Variants in PRR7 observed in about 807,000 individuals in gnomAD.
The protein encoded by PRR7 is proline-rich protein 7.
PRR7 carries 8 observed loss-of-function variants against 18.5 expected under a neutral mutation model. The ratio of observed to expected loss-of-function variants is 0.43; its 90% CI spans 0.25 to 0.78. The LOEUF is 0.78. Among genes scored for constraint, PRR7 ranks in the 30% least tolerant of loss-of-function variants. PRR7 has a pLI of 0.22. For synonymous variants in PRR7, 221 were observed against 187.7 expected (o/e 1.18, Z -1.45); for missense variants, 396 against 403.1 (o/e 0.98, Z 0.15).
chr5:177,452,899 G>A (rs549040042), intron 1 of PRR7, among the ~76,000 whole-genome samples: 7 of 152,300 alleles, frequency 4.6e-5, no homozygotes, highest in South Asian at 2.1e-4. Context: ...CAGCAGAGTC[G>A]GGCTGGTGAT....
chr5:177,454,518 G>A lies in PRR7; in HGVS notation c.-239-311G>A, dbSNP rs2127388516. On this transcript the variant is annotated intron_variant, in intron 2 of 3. Coordinates refer to ENST00000323249, the MANE Select transcript of PRR7 (RefSeq NM_030567.5). The surrounding 1 kb of genome is among the most constrained non-coding windows in gnomAD (Gnocchi z 4.7). ...AGGCTCCTGAAACCCTTTGGCCCCG[G>A]GACTGCGGATGGCGAATCTCTCGTT... Among the ~76,000 whole-genome samples the A allele has an allele frequency of 1.3e-5, 2 of 152,288 alleles. No individual in the cohort carries two copies. Among genetic ancestry groups the A allele is most frequent in the Middle Eastern group, 6.8e-3 (2 of 294 alleles).
In PRR7 at chr5:177,455,261, TG is replaced by T; in HGVS notation, c.196del (p.Ala66ProfsTer93). On this transcript the variant is annotated frameshift_variant, in exon 3 of 4. Coordinates refer to ENST00000323249, the MANE Select transcript of PRR7 (RefSeq NM_030567.5). LOFTEE classifies it high-confidence loss of function. The surrounding 1 kb of genome is among the most constrained non-coding windows in gnomAD (Gnocchi z 6.9). ...ELEPLELEGS[L>X]AGSPPGLAPP... ...GAGCCCCTCGAACTCGAGGGCAGTC[TG>T]GCCGGGAGCCCCCCGGGCCTGGCGC... The T allele has an allele frequency of 6.5e-7, 1 of 1,535,138 alleles. No individual in the cohort carries two copies. The highest frequency in any genetic ancestry group is 8.7e-7 in the Non-Finnish European group (1 of 1,149,664).
rs900209584 is a variant in PRR7, at chr5:177,454,626, C to T, written c.-239-203C>T. ...CCTCGGCGCCCGGGCTCCGCGGCGG[C>T]GGCCGGGGCTCAGATCGGGGAAACC... On this transcript the variant is annotated intron_variant, in intron 2 of 3. Coordinates refer to ENST00000323249, the MANE Select transcript of PRR7 (RefSeq NM_030567.5). This position sits in a 1 kb window ranked among gnomAD's most constrained non-coding sequence, Gnocchi z 4.7. 2.0e-5 allele frequency among the ~76,000 whole-genome samples: 3 copies of T among 151,954 alleles called. No homozygotes were observed. Among genetic ancestry groups the T allele is most frequent in the Non-Finnish European group, 4.4e-5 (3 of 67,914 alleles).
At chr5:177,448,355 T>G (rs933171945) in intron 1 of PRR7, 1 of 152,278 alleles carries the variant, frequency 6.6e-6, no homozygotes, top group African/African-American at 2.4e-5. Flanking sequence ...AGACCTGTGT[T>G]GAGTGCTCTG....
chr5:177,455,791 C>G lies in PRR7; in HGVS notation c.495C>G (p.Pro165=), dbSNP rs2127389466. The G allele has an allele frequency of 6.2e-7, 1 of 1,611,502 alleles. No homozygotes were observed. The highest frequency in any genetic ancestry group is 8.5e-7 in the Non-Finnish European group (1 of 1,179,512). Reference sequence around the variant, plus strand: ...TGCTGATGGCAGAGCCGCCGCCGCCCTATAGCGAGGTGCTCACGGACACGC... The same window carrying G: ...TGCTGATGGCAGAGCCGCCGCCGCCGTATAGCGAGGTGCTCACGGACACGC... The part of the protein sequence containing the change: ...EAVLMAEPPP[P]YSEVLTDTRG... The change falls in exon 4 of 4, where the codon CCC becomes CCG. Residue 165 remains proline (P), a synonymous_variant. Coordinates refer to ENST00000323249, the MANE Select transcript of PRR7 (RefSeq NM_030567.5). This position sits in a 1 kb window ranked among gnomAD's most constrained non-coding sequence, Gnocchi z 6.9.
At chr5:177,452,070 A>G (rs1394235251) in intron 1 of PRR7, among the ~76,000 whole-genome samples, 1 of 152,242 alleles carries the variant, frequency 6.6e-6, no homozygotes, top group Non-Finnish European at 1.5e-5. Flanking sequence ...ATGCAGAGCG[A>G]TATGGTTCAA....
At position 177,450,448 on chromosome 5, in the gene PRR7, G is replaced by A. The variant is rs762674217; in HGVS notation, c.-325+3488G>A. On this transcript the variant is annotated intron_variant, in intron 1 of 3. Transcript: ENST00000323249. This position sits in a 1 kb window ranked among gnomAD's most constrained non-coding sequence, Gnocchi z 6.6. Reference sequence around the variant, plus strand: ...ATGGCTCTTCTCTGAGTGACGTTTTGGTGAATGGCTGACATTTCCCAGGAA... The same window carrying A: ...ATGGCTCTTCTCTGAGTGACGTTTTAGTGAATGGCTGACATTTCCCAGGAA... 2.0e-5 allele frequency among the ~76,000 whole-genome samples: 3 copies of A among 152,206 alleles called. No homozygotes were observed. Among genetic ancestry groups the A allele is most frequent in the Admixed American group, 6.5e-5 (1 of 15,280 alleles).
rs1581705123 is a variant in PRR7 at position 177,454,176 on chromosome 5, T to G, written c.-240+136T>G. On this transcript the variant is annotated intron_variant, in intron 2 of 3. Coordinates refer to ENST00000323249, the MANE Select transcript of PRR7 (RefSeq NM_030567.5). The surrounding 1 kb of genome is among the most constrained non-coding windows in gnomAD (Gnocchi z 4.7). ...AGGGCAGGAGGCGGGGAAGCGGAGT[T>G]GGAGCAGGCAGGGCGCCTGGAGGAA... The G allele has an allele frequency of 6.6e-6, 1 of 152,622 alleles. No individual in the cohort carries two copies. Among genetic ancestry groups the G allele is most frequent in the Admixed American group, 6.5e-5 (1 of 15,286 alleles). The allele number at this position is 152,622 out of a possible 1,614,324, so 9.5% of individuals were successfully genotyped here.
At chr5:177,448,651 A>C (rs2127386516) in intron 1 of PRR7, among the ~76,000 whole-genome samples, 1 of 152,306 alleles carries the variant, frequency 6.6e-6, no homozygotes. Context: ...GGGTCTTGGT[A>C]CATTTTTCCT....
At position 177,456,090 on chromosome 5, in the gene PRR7, T is replaced by A; in HGVS notation, c.794T>A (p.Ile265Asn). The change falls in exon 4 of 4, where the codon ATC (isoleucine) becomes AAC (asparagine). Residue 265 changes from isoleucine (I) to asparagine (N), a missense_variant. Coordinates refer to ENST00000323249, the MANE Select transcript of PRR7 (RefSeq NM_030567.5). Reference sequence around the variant, plus strand: ...GGAGCTTGGCGTCTGCCGGTCTCCATCCCCTTGTTCGGGAGGACTACAGCC... The same window carrying A: ...GGAGCTTGGCGTCTGCCGGTCTCCAACCCCTTGTTCGGGAGGACTACAGCC... ...EHGAWRLPVS[I>N]PLFGRTTAV The A allele has an allele frequency of 6.6e-7, 1 of 1,513,960 alleles. No individual in the cohort carries two copies. The highest frequency in any genetic ancestry group is 8.8e-7 in the Non-Finnish European group (1 of 1,135,196). 93.8% of individuals were successfully genotyped at this position (1,513,960 alleles called of 1,614,324 possible). A position where few individuals can be genotyped will look rare whatever the true frequency, so the allele number is the denominator to read the frequency against.
Position 177,449,888 on chromosome 5 carries a change from G to A in PRR7, c.-325+2928G>A, listed in dbSNP as rs535073785. On this transcript the variant is annotated intron_variant, in intron 1 of 3. Coordinates refer to ENST00000323249, the MANE Select transcript of PRR7 (RefSeq NM_030567.5). The surrounding 1 kb of genome is among the most constrained non-coding windows in gnomAD (Gnocchi z 4.2). ...GGCCAGCTCCAAGCCTGGCTGACTG[G>A]GAGTGGAGACAAGTCCTGTCAAGTC... Among the ~76,000 whole-genome samples the A allele has an allele frequency of 6.6e-6, 1 of 152,274 alleles. No homozygotes were observed. Among genetic ancestry groups the A allele is most frequent in the African/African-American group, 2.4e-5 (1 of 41,552 alleles).
In PRR7 at chr5:177,455,741, A is replaced by C; in HGVS notation, c.445A>C (p.Lys149Gln). 6.2e-7 allele frequency: 1 copy of C among 1,603,584 alleles called. No individual in the cohort carries two copies. The highest frequency in any genetic ancestry group is 8.5e-7 in the Non-Finnish European group (1 of 1,174,656). The part of the protein sequence containing the change: ...YPRQAESDMS[K>Q]PPCYEEAVLM... ...CTCCGCAGCGGAATCGGACATGTCCAAACCACCGTGTTACGAAGAGGCGGT... is the reference window on the plus strand; with the variant it reads ...CTCCGCAGCGGAATCGGACATGTCCCAACCACCGTGTTACGAAGAGGCGGT... The change falls in exon 4 of 4, where the codon AAA becomes CAA. Residue 149 changes from lysine (K) to glutamine (Q), a missense_variant. Around this residue, in one of 2 missense-constraint regions of PRR7, gnomAD observed 383 missense variants for 372.6 expected, o/e 1.03. Coordinates refer to ENST00000323249, the MANE Select transcript of PRR7 (RefSeq NM_030567.5). This position sits in a 1 kb window ranked among gnomAD's most constrained non-coding sequence, Gnocchi z 6.9.
intron 1 of PRR7, among the ~76,000 whole-genome samples, chr5:177,453,521 A>T (rs1756254353): frequency 6.6e-6 from 1 of 152,220 alleles, no homozygotes; most frequent in African/African-American, 2.4e-5. Flanking sequence ...CCATGGAGTC[A>T]GACAGGAGCC....
chr5:177,454,920 A>T lies in PRR7; in HGVS notation c.-148A>T. 1 of 1,116,478 alleles carries T rather than the reference A, an allele frequency of 9.0e-7. No homozygotes were observed. Among genetic ancestry groups the T allele is most frequent in the Non-Finnish European group, 1.1e-6 (1 of 883,096 alleles). The allele number at this position is 1,116,478 out of a possible 1,614,324, so 69.2% of individuals were successfully genotyped here. ...GCTGCTGTCCCCCGCCGGCGCGCGC[A>T]CGACTTGAGACCTGCCACGGGCAGC... On this transcript the variant is annotated 5_prime_UTR_variant, in exon 3 of 4. Transcript: ENST00000323249. The surrounding 1 kb of genome is among the most constrained non-coding windows in gnomAD (Gnocchi z 4.7).
rs1386615256 is a variant in PRR7 at position 177,454,654 on chromosome 5, A to G, written c.-239-175A>G. On this transcript the variant is annotated intron_variant, in intron 2 of 3. Coordinates refer to ENST00000323249, the MANE Select transcript of PRR7 (RefSeq NM_030567.5). This position sits in a 1 kb window ranked among gnomAD's most constrained non-coding sequence, Gnocchi z 4.7. The stretch of plus-strand genomic sequence containing the variant: ...CCGGGGCTCAGATCGGGGAAACCCT[A>G]CCGGGGAAACCTCGAGGCGTGACGT... Among the ~76,000 whole-genome samples, 1 of 150,862 alleles carries G rather than the reference A, an allele frequency of 6.6e-6. No homozygotes were observed. The highest frequency in any genetic ancestry group is 2.4e-5 in the African/African-American group (1 of 41,062).
At chr5:177,447,110 C>G (rs1026178979) in intron 1 of PRR7, 150 bp downstream of exon 1, 1 of 152,154 alleles carries the variant, frequency 6.6e-6, no homozygotes, top group Admixed American at 6.5e-5. Context: ...GCCCCTCCCC[C>G]AGTCCACACC....
rs1756328283 is a variant in PRR7, at chr5:177,454,834, G to A, written c.-234G>A. 3.1e-6 allele frequency: 1 copy of A among 327,794 alleles called. No individual in the cohort carries two copies. The highest frequency in any genetic ancestry group is 2.2e-5 in the African/African-American group (1 of 45,704). 20.3% of individuals were successfully genotyped at this position (327,794 alleles called of 1,614,324 possible). ...GCCCCGTGTCTGCCCTACAGGTCCC[G>A]CGCGGCCCCGGGTGAGGCACGCCCG... On this transcript the variant is annotated 5_prime_UTR_variant, in exon 3 of 4. Transcript: ENST00000323249. The surrounding 1 kb of genome is among the most constrained non-coding windows in gnomAD (Gnocchi z 4.7).
chr5:177,447,265 C>A (rs1192595610), intron 1 of PRR7, among the ~76,000 whole-genome samples: 6 of 151,146 alleles, frequency 4.0e-5, no homozygotes, highest in African/African-American at 1.4e-4. Flanking sequence ...CCCCCTCCCT[C>A]CCCCCTCCCC....
intron 1 of PRR7, among the ~76,000 whole-genome samples, chr5:177,451,424 T>TGTCTGC (rs1756164700): frequency 3.1e-5 from 1 of 32,264 alleles, no homozygotes; most frequent in Non-Finnish European, 7.4e-5. Context: ...GAGCACCCTG[T>TGTCTGC]AGCCTGCTTC....
Sources: gnomAD v4.1 joint callset for allele counts (sites outside exome capture counted in the v4.1 genomes callset) on GRCh38, gnomAD v4.1.1 for gene constraint, gnomAD v4.1.1 regional missense constraint, Gnocchi (gnomAD v3.1) non-coding constraint, MANE v1.5 for transcripts, NCBI Gene and HGNC (gene_info 2026-07-23, HGNC 2026-07-21) for gene names.